The following CFTR variants were observed in gnomAD, a reference collection of about 807,000 sequenced individuals.
The protein encoded by CFTR is cystic fibrosis transmembrane conductance regulator.
A neutral mutation model predicts 171.6 loss-of-function variants in CFTR; 181 were observed. That is an observed-to-expected ratio of 1.05 (90% CI 0.93 to 1.19). The LOEUF (loss-of-function observed/expected upper bound fraction) is 1.19. CFTR is among the 50% of genes most tolerant of loss of function. The probability of loss-of-function intolerance (pLI) is 0.00; values close to 1 mark genes in which losing one functional copy is unlikely to be tolerated. For synonymous variants in CFTR, 583 were observed against 608.0 expected, an observed-to-expected ratio of 0.96 and a Z score of 0.60; for missense variants, 1,968 against 1,734.7, an observed-to-expected ratio of 1.13 and a Z score of -2.39.
At chr7:117,488,654 A>G (rs1798110217) in intron 1 of CFTR, among the ~76,000 whole-genome samples, 1 of 152,104 alleles carries the variant, frequency 6.6e-6, no homozygotes, top group African/African-American at 2.4e-5. Context: ...TTTTCAAATA[A>G]AATTTTCCAT....
rs1554381352 is a variant in CFTR at position 117,540,249 on chromosome 7, T to A, written c.1019T>A (p.Ile340Asn). 2 of 1,614,142 alleles carry A rather than the reference T, an allele frequency of 1.2e-6. No individual in the cohort carries two copies. Among genetic ancestry groups the A allele is most frequent in the Non-Finnish European group, 1.7e-6 (2 of 1,179,998 alleles). ...ATCCTCCGGAAAATATTCACCACCA[T>A]CTCATTCTGCATTGTTCTGCGCATG... ...GIILRKIFTT[I>N]SFCIVLRMAV... The change falls in exon 8 of 27, where the codon ATC becomes AAC. Residue 340 changes from isoleucine (I) to asparagine (N), a missense_variant. By Grantham distance (149) the Ile-to-Asn change is moderately radical. Transcript: ENST00000003084.
intron 1 of CFTR, among the ~76,000 whole-genome samples, chr7:117,483,429 C>T (rs1798027854): frequency 6.6e-6 from 1 of 152,106 alleles, no homozygotes; most frequent in Non-Finnish European, 1.5e-5. Context: ...TTGACTGTAT[C>T]ACAAAATCAA....
At chr7:117,628,246 C>A (rs1405722507) in intron 22 of CFTR, among the ~76,000 whole-genome samples, 1 of 151,632 alleles carries the variant, frequency 6.6e-6, no homozygotes, top group Non-Finnish European at 1.5e-5. Flanking sequence ...TATTTTTTCC[C>A]AGTTATTTAC....
intron 18 of CFTR, among the ~76,000 whole-genome samples, chr7:117,608,036 T>C (rs111949899): frequency 2.0e-5 from 3 of 152,350 alleles, no homozygotes; most frequent in African/African-American, 7.2e-5. Context: ...CCTCTTAACT[T>C]GATTGTGAAA....
intron 22 of CFTR, among the ~76,000 whole-genome samples, chr7:117,633,564 G>A (rs545404533): frequency 1.3e-5 from 2 of 151,766 alleles, no homozygotes; most frequent in African/African-American, 4.8e-5. Flanking sequence ...GGATATCTTG[G>A]TCTTGTTCTT....
chr7:117,597,857 T>C (rs958322475), intron 15 of CFTR, among the ~76,000 whole-genome samples: 14 of 151,370 alleles, frequency 9.2e-5, no homozygotes, highest in African/African-American at 3.4e-4. Context: ...AATTGCATGG[T>C]AGGCCACAAG....
intron 3 of CFTR, among the ~76,000 whole-genome samples, chr7:117,523,394 TG>T (rs1438076408): frequency 6.6e-6 from 1 of 151,464 alleles, no homozygotes; most frequent in African/African-American, 2.4e-5. Flanking sequence ...TTTTTTTTTT[TG>T]AGACAGAGTC....
At chr7:117,566,750 C>T (rs1248726290) in intron 11 of CFTR, among the ~76,000 whole-genome samples, 1 of 152,182 alleles carries the variant, frequency 6.6e-6, no homozygotes, top group Non-Finnish European at 1.5e-5. Context: ...CAGTACTGTG[C>T]TAAGCACCTT....
At chr7:117,519,195 A>C (rs1188468208) in intron 3 of CFTR, among the ~76,000 whole-genome samples, 1 of 152,116 alleles carries the variant, frequency 6.6e-6, no homozygotes, top group African/African-American at 2.4e-5. Flanking sequence ...ATTTTTGCAA[A>C]AACTATAAAC....
At chr7:117,608,526 A>G (rs1485004661) in intron 18 of CFTR, among the ~76,000 whole-genome samples, 2 of 152,088 alleles carry the variant, frequency 1.3e-5, no homozygotes, top group African/African-American at 4.8e-5. Context: ...TTCAACTTTT[A>G]ATGCTAAGAT....
At chr7:117,558,227 A>G (rs747526910) in intron 10 of CFTR, among the ~76,000 whole-genome samples, 6 of 151,970 alleles carry the variant, frequency 3.9e-5, no homozygotes, top group Admixed American at 6.6e-5. Context: ...AAAAAAGTCT[A>G]TATTTGTTTT....
intron 3 of CFTR, among the ~76,000 whole-genome samples, chr7:117,518,386 AAAT>A (rs1798631272): frequency 6.8e-6 from 1 of 147,082 alleles, no homozygotes; most frequent in African/African-American, 2.5e-5. Flanking sequence ...ATAATACTAT[AAAT>A]AATATAATAA....
At chr7:117,562,943 G>C (rs759823778) in intron 11 of CFTR, among the ~76,000 whole-genome samples, 9 of 152,200 alleles carry the variant, frequency 5.9e-5, no homozygotes, top group Non-Finnish European at 8.8e-5. Context: ...GAACCAGAGT[G>C]TAAATAAGCC....
chr7:117,537,137 G>T (rs753195924), intron 7 of CFTR, among the ~76,000 whole-genome samples: 1 of 152,012 alleles, frequency 6.6e-6, no homozygotes, highest in Non-Finnish European at 1.5e-5. Context: ...TCCTTAACTC[G>T]GGAATGACAT....
chr7:117,536,292 A>G (rs1030684978), intron 6 of CFTR, among the ~76,000 whole-genome samples: 3 of 152,096 alleles, frequency 2.0e-5, no homozygotes, highest in African/African-American at 7.2e-5. Context: ...TCATCTCTAA[A>G]ATAGAGATAC....
chr7:117,647,489 G>A (rs889198792), intron 23 of CFTR: 5 of 151,978 alleles, frequency 3.3e-5, no homozygotes, highest in Admixed American at 2.6e-4. Flanking sequence ...GAGGGAGGAG[G>A]TGCCACACAC....
chr7:117,501,471 C>T (rs901018466), intron 1 of CFTR, among the ~76,000 whole-genome samples: 4 of 151,660 alleles, frequency 2.6e-5, no homozygotes, highest in South Asian at 2.1e-4. Flanking sequence ...GTTGGCTGGG[C>T]GCACTGGCTC....
At chr7:117,583,173 T>C (rs995314361) in intron 11 of CFTR, among the ~76,000 whole-genome samples, 2 of 152,206 alleles carry the variant, frequency 1.3e-5, no homozygotes, top group Non-Finnish European at 2.9e-5. Flanking sequence ...TTTCTTTTTC[T>C]TTTTTAAAAA....
chr7:117,524,040 A>G lies in CFTR; in HGVS notation c.274-6859A>G, dbSNP rs946692179. ...CTTGCTTTGCAATGTATTGTTTATC[A>G]GTAGTTCTATATTCTTTGAGATAGT... On this transcript the variant is annotated intron_variant, in intron 3 of 26. Coordinates refer to ENST00000003084, the MANE Select transcript of CFTR (RefSeq NM_000492.4). Among the ~76,000 whole-genome samples the G allele has an allele frequency of 1.4e-4, 22 of 152,282 alleles. No individual in the cohort carries two copies. The East Asian group carries it at 3.7e-3, about 25-fold the overall frequency.
Sources: gnomAD v4.1 joint callset for allele counts (sites outside exome capture counted in the v4.1 genomes callset) on GRCh38, gnomAD v4.1.1 for gene constraint, MANE v1.5 for transcripts, NCBI Gene and HGNC (gene_info 2026-07-23, HGNC 2026-07-21) for gene names.